KLRC3: variants seen among roughly 807,000 people sequenced by gnomAD.
The protein encoded by KLRC3 is killer cell lectin like receptor C3.
Under a neutral mutation model 23.6 loss-of-function variants are expected in KLRC3, and 16 were observed. The observed-to-expected ratio is 0.68, with a 90% CI of 0.46 to 1.03. The LOEUF is 1.03. KLRC3 is among the 50% of genes least tolerant of loss of function. The probability of loss-of-function intolerance (pLI) is 0.00; values close to 1 mark genes in which losing one functional copy is unlikely to be tolerated. For missense variants in KLRC3, 209 were observed against 232.2 expected, an observed-to-expected ratio of 0.90 and a Z score of 0.65; for synonymous variants, 70 against 71.8, an observed-to-expected ratio of 0.98 and a Z score of 0.13.
rs894486270 is a variant in KLRC3, at chr12:10,412,526, G to T, written c.*46C>A. 5 of 702,042 alleles carry T rather than the reference G, an allele frequency of 7.1e-6. No individual in the cohort carries two copies. Among genetic ancestry groups the T allele is most frequent in the African/African-American group, 1.7e-5 (1 of 57,180 alleles). The allele number at this position is 702,042 out of a possible 1,614,324, so 43.5% of individuals were successfully genotyped here. ...CACTCAGGGGCGGTGGCTTGTGTCA[G>T]TAATCCCAGCAACTTGGGAGGCCAA... On this transcript the variant is annotated 3_prime_UTR_variant, in exon 7 of 7. Coordinates refer to ENST00000396439, the MANE Select transcript of KLRC3 (RefSeq NM_002261.3).
At position 10,415,780 on chromosome 12, in the gene KLRC3, T is replaced by C; in HGVS notation, c.602A>G (p.Asp201Gly). Residue 201 changes from aspartate to glycine, a missense_variant, in exon 6 of 7, where the codon GAT (aspartate) becomes GGT (glycine). This residue lies in a region of KLRC3 where 74 missense variants were observed against 51.0 expected (regional missense o/e 1.45). Transcript: ENST00000396439. ...LAFKHEIKDS[D>G]HAERNCAMLH... ...CATTGCACAGTTACGTTCAGCATGATCTGAGTCTTTTATCCTGTAATGGAG... is the reference window on the plus strand; with the variant it reads ...CATTGCACAGTTACGTTCAGCATGACCTGAGTCTTTTATCCTGTAATGGAG... The C allele has an allele frequency of 6.2e-7, 1 of 1,610,738 alleles. No homozygotes were observed. The highest frequency in any genetic ancestry group is 8.5e-7 in the Non-Finnish European group (1 of 1,178,372).
chr12:10,414,249 ATGT>A (rs1442616026), intron 6 of KLRC3, among the ~76,000 whole-genome samples: 3 of 152,132 alleles, frequency 2.0e-5, no homozygotes, highest in Non-Finnish European at 2.9e-5. Flanking sequence ...ATTTTATAAA[ATGT>A]TGTATAAAGA....
chr12:10,420,436 A>G lies in KLRC3; in HGVS notation c.115T>C (p.Phe39Leu). ...TTTTGAAGGTTTAATTCTACTTGGA[A>G]TATTTCCTGTTCGGTTCCTGAAATG... is the stretch of plus-strand genomic sequence containing the variant. ...SSISGTEQEI[F>L]QVELNLQNAS... Residue 39 changes from phenylalanine to leucine, a missense_variant, in exon 1 of 7, where the codon TTC becomes CTC. Physicochemically the swap from Phe to Leu is conservative, Grantham distance 22. Transcript: ENST00000396439. 1 of 1,613,604 alleles carries G rather than the reference A, an allele frequency of 6.2e-7. No homozygotes were observed. Among genetic ancestry groups the G allele is most frequent in the Non-Finnish European group, 8.5e-7 (1 of 1,179,822 alleles).
At position 10,420,444 on chromosome 12, in the gene KLRC3, T is replaced by C; in HGVS notation, c.107A>G (p.Gln36Arg). Reference protein sequence around the residue: ...GNKSSISGTEQEIFQVELNLQ... With the variant: ...GNKSSISGTEREIFQVELNLQ... ...GTTTAATTCTACTTGGAATATTTCC[T>C]GTTCGGTTCCTGAAATGGAGCTTTT... Residue 36 changes from glutamine to arginine, a missense_variant, in exon 1 of 7, where the codon CAG becomes CGG. Physicochemically the swap from Gln to Arg is conservative, Grantham distance 43 (BLOSUM62 1). Transcript: ENST00000396439. The C allele has an allele frequency of 6.2e-7, 1 of 1,613,640 alleles. No individual in the cohort carries two copies. Among genetic ancestry groups the C allele is most frequent in the Non-Finnish European group, 8.5e-7 (1 of 1,179,818 alleles).
intron 6 of KLRC3, among the ~76,000 whole-genome samples, chr12:10,415,194 G>A (rs2741888): frequency 0.014 from 2,112 of 152,162 alleles, 41 homozygotes; most frequent in African/African-American, 0.048. Flanking sequence ...ATTGAGGTAC[G>A]GTGCACATAG....
In KLRC3 at chr12:10,412,557, G is replaced by A. The variant is rs1243407176; in HGVS notation, c.*15C>T. On this transcript the variant is annotated 3_prime_UTR_variant, in exon 7 of 7. Coordinates refer to ENST00000396439, the MANE Select transcript of KLRC3 (RefSeq NM_002261.3). Reference sequence around the variant, plus strand: ...CCAGCAACTTGGGAGGCCAAGATGTGTTGATTTCTTGAGCTCAGGAGTTCA... The same window carrying A: ...CCAGCAACTTGGGAGGCCAAGATGTATTGATTTCTTGAGCTCAGGAGTTCA... 2.8e-6 allele frequency: 2 copies of A among 701,832 alleles called. No homozygotes were observed. Among genetic ancestry groups the A allele is most frequent in the East Asian group, 2.7e-5 (1 of 37,166 alleles). 43.5% of individuals were successfully genotyped at this position (701,832 alleles called of 1,614,324 possible). A position where few individuals can be genotyped will look rare whatever the true frequency, so the allele number is the denominator to read the frequency against.
chr12:10,415,215 A>G (rs549208939), intron 6 of KLRC3, among the ~76,000 whole-genome samples: 1 of 152,312 alleles, frequency 6.6e-6, no homozygotes, highest in East Asian at 1.9e-4. Flanking sequence ...CATAAATTTC[A>G]TCCACTTAAA....
rs1323614154 is a variant in KLRC3, at chr12:10,419,952, G to A, written c.200C>T (p.Pro67Leu). Residue 67 changes from proline to leucine, a missense_variant, in exon 2 of 7, where the codon CCT becomes CTT. Physicochemically the swap from Pro to Leu is moderately conservative, Grantham distance 98. Coordinates refer to ENST00000396439, the MANE Select transcript of KLRC3 (RefSeq NM_002261.3). ...KIYDCQGLLP[P>L]PEKLTAEVLG... is the part of the protein sequence containing the mutation. ...GACCTCGGCAGTGAGCTTTTCTGGA[G>A]GTGGCAGTAAACCTGCAGGGAGAGA... is the stretch of plus-strand genomic sequence containing the variant. The A allele has an allele frequency of 2.1e-6, 1 of 484,922 alleles. No individual in the cohort carries two copies. Among genetic ancestry groups the A allele is most frequent in the East Asian group, 3.3e-5 (1 of 30,320 alleles). The allele number at this position is 484,922 out of a possible 1,614,324, so 30.0% of individuals were successfully genotyped here.
chr12:10,413,375 G>C (rs1187596057), intron 6 of KLRC3, among the ~76,000 whole-genome samples: 1 of 152,068 alleles, frequency 6.6e-6, no homozygotes, highest in Non-Finnish European at 1.5e-5. Flanking sequence ...TTTAAACATG[G>C]CAATACCATT....
At chr12:10,413,258 G>A (rs1438502502) in intron 6 of KLRC3, among the ~76,000 whole-genome samples, 1 of 152,050 alleles carries the variant, frequency 6.6e-6, no homozygotes, top group African/African-American at 2.4e-5. Flanking sequence ...TTTTAATTCA[G>A]TAATATATGT....
rs548250858 is a variant in KLRC3, at chr12:10,417,984, G to T, written c.486+360C>A. On this transcript the variant is annotated intron_variant, in intron 4 of 6. Transcript: ENST00000396439. ...ATAAGTGATGAGGGCATACACAGGG[G>T]TGGAACTGCTAGAGCTGGAAACTTA... Among the ~76,000 whole-genome samples, 30 of 152,274 alleles carry T rather than the reference G, an allele frequency of 2.0e-4. No individual in the cohort carries two copies. In the South Asian group the frequency reaches 6.0e-3, roughly 31 times the overall value.
At chr12:10,413,971 T>C (rs1424115545) in intron 6 of KLRC3, among the ~76,000 whole-genome samples, 1 of 152,148 alleles carries the variant, frequency 6.6e-6, no homozygotes, top group Non-Finnish European at 1.5e-5. Flanking sequence ...TCCTTTTTTA[T>C]GGCTAAAGCA....
chr12:10,416,538 T>C, intron 5 of KLRC3, 129 bp downstream of exon 5: 1 of 1,173,552 alleles, frequency 8.5e-7, no homozygotes, highest in Non-Finnish European at 1.2e-6. Context: ...TTGTAAAATA[T>C]TTGTATCAAC....
Position 10,416,663 on chromosome 12 carries a change from T to C in KLRC3, c.587+4A>G. ...TTTATATAGCACCCTATAAAACAAC[T>C]TACTCATGTTTGAAAGCCAAACCAT... On this transcript the variant is annotated splice_donor_region_variant and intron_variant, in intron 5 of 6. Transcript: ENST00000396439. 1 of 1,610,278 alleles carries C rather than the reference T, an allele frequency of 6.2e-7. No homozygotes were observed. Among genetic ancestry groups the C allele is most frequent in the Non-Finnish European group, 8.5e-7 (1 of 1,178,040 alleles).
chr12:10,414,297 A>G (rs1863610049), intron 6 of KLRC3, among the ~76,000 whole-genome samples: 1 of 152,104 alleles, frequency 6.6e-6, no homozygotes, highest in Admixed American at 6.5e-5. Flanking sequence ...AAAAATAAAA[A>G]TGTTACAATT....
chr12:10,420,352 T>G lies in KLRC3; in HGVS notation c.187+12A>C, dbSNP rs182280345. On this transcript the variant is annotated intron_variant, in intron 1 of 6. Transcript: ENST00000396439. ...CAGAACAATAACATTGAAGATATAT[T>G]TAATGTTTTACCTTGGCAGTCATAT... 1.8e-4 allele frequency: 287 copies of G among 1,609,940 alleles called. No homozygotes were observed. The highest frequency in any genetic ancestry group is 9.3e-4 in the Admixed American group (56 of 59,940).
At chr12:10,420,073 T>G in intron 1 of KLRC3, 109 bp from the exon 2 acceptor site, 1 of 454,050 alleles carries the variant, frequency 2.2e-6, no homozygotes. Flanking sequence ...GGAAACATAA[T>G]GATAAACTCT....
At chr12:10,417,405 T>C (rs1181752204) in intron 4 of KLRC3, among the ~76,000 whole-genome samples, 5 of 151,966 alleles carry the variant, frequency 3.3e-5, no homozygotes, top group Admixed American at 1.3e-4. Context: ...CAACCAAGTG[T>C]CCGAGTGAGC....
intron 1 of KLRC3, 46 bp downstream of exon 1, chr12:10,420,318 T>A (rs1198872762): frequency 6.3e-7 from 1 of 1,582,960 alleles, no homozygotes; most frequent in Non-Finnish European, 8.6e-7. Flanking sequence ...TGCATTCAAC[T>A]GCACATCCCA....
Sources: gnomAD v4.1 joint callset for allele counts (sites outside exome capture counted in the v4.1 genomes callset) on GRCh38, gnomAD v4.1.1 for gene constraint, gnomAD v4.1.1 regional missense constraint, MANE v1.5 for transcripts, NCBI Gene and HGNC (gene_info 2026-07-23, HGNC 2026-07-21) for gene names.